CDH18: variants seen among roughly 807,000 people sequenced by gnomAD.
The protein encoded by CDH18 is cadherin 18.
In CDH18, 31 loss-of-function variants were observed where a neutral mutation model predicts 67.9. That is an observed-to-expected ratio of 0.46 (90% confidence interval 0.34 to 0.62). CDH18 has a LOEUF of 0.62. Among genes scored for constraint, CDH18 ranks in the 20% least tolerant of loss-of-function variants. The pLI is 0.01. For missense variants in CDH18, 890 were observed against 975.5 expected (o/e 0.91, Z 1.17); for synonymous variants, 362 against 347.2 (o/e 1.04, Z -0.48).
chr5:19,850,899 T>C (rs551853871), intron 2 of CDH18, among the ~76,000 whole-genome samples: 16 of 151,994 alleles, frequency 1.1e-4, no homozygotes, highest in African/African-American at 3.6e-4. Context: ...TCATCCTGTT[T>C]ATGCTACTTT....
At chr5:19,979,217 T>TGA (rs997653456) in intron 2 of CDH18, among the ~76,000 whole-genome samples, 1 of 138,832 alleles carries the variant, frequency 7.2e-6, no homozygotes, top group African/African-American at 2.6e-5. Context: ...GGGGATGGAG[T>TGA]GTGTGTGTGT....
intron 4 of CDH18, among the ~76,000 whole-genome samples, chr5:19,740,725 C>A (rs1349938346): frequency 6.6e-6 from 1 of 152,050 alleles, no homozygotes; most frequent in Non-Finnish European, 1.5e-5. Context: ...AACTCAAAAA[C>A]CAAGTATCAT....
At chr5:20,023,902 C>A (rs976664965) in intron 2 of CDH18, among the ~76,000 whole-genome samples, 8 of 152,064 alleles carry the variant, frequency 5.3e-5, no homozygotes, top group Admixed American at 2.0e-4. Context: ...TCTTCATAAC[C>A]AACTCAATTC....
chr5:19,794,202 G>A lies in CDH18; in HGVS notation c.228+44557C>T, dbSNP rs537952434. On this transcript the variant is annotated intron_variant, in intron 3 of 12. Coordinates refer to ENST00000382275, the MANE Select transcript of CDH18 (RefSeq NM_004934.5). ...TATCATCCTGACTGGGCTAAGGGATGTCCAGAGAGGTGGTAAAATGTTATT... is the reference window on the plus strand; with the variant it reads ...TATCATCCTGACTGGGCTAAGGGATATCCAGAGAGGTGGTAAAATGTTATT... Among the ~76,000 whole-genome samples, 32 of 152,214 alleles carry A rather than the reference G, an allele frequency of 2.1e-4. No homozygotes were observed. In the South Asian group the frequency reaches 2.3e-3, roughly 11 times the overall value.
chr5:19,774,198 AC>A (rs1774028076), intron 3 of CDH18, among the ~76,000 whole-genome samples: 1 of 152,060 alleles, frequency 6.6e-6, no homozygotes, highest in African/African-American at 2.4e-5. Context: ...GGGCAGAAAT[AC>A]CTGGGTGGCA....
intron 2 of CDH18, among the ~76,000 whole-genome samples, chr5:19,941,851 A>T (rs369745856): frequency 6.6e-6 from 1 of 152,202 alleles, no homozygotes; most frequent in South Asian, 2.1e-4. Context: ...GGTATAAAAA[A>T]TGTGATTCAT....
At chr5:19,819,536 A>G (rs116265473) in intron 3 of CDH18, among the ~76,000 whole-genome samples, 1,694 of 152,242 alleles carry the variant, frequency 0.011, 30 homozygotes, top group African/African-American at 0.038. Context: ...CCCAGTTCTG[A>G]CCAGGTCCTA....
intron 2 of CDH18, among the ~76,000 whole-genome samples, chr5:20,142,496 C>T (rs1750321966): frequency 6.6e-6 from 1 of 151,660 alleles, no homozygotes; most frequent in Non-Finnish European, 1.5e-5. Context: ...ACGAGAATCA[C>T]TTTAACCCAG....
At chr5:19,584,785 T>C (rs1453271885) in intron 7 of CDH18, among the ~76,000 whole-genome samples, 2 of 3,670 alleles carry the variant, frequency 5.4e-4, no homozygotes, top group African/African-American at 8.0e-4. Flanking sequence ...CCGTTTCTAC[T>C]AAAAATACAA....
intron 5 of CDH18, among the ~76,000 whole-genome samples, chr5:19,613,985 T>C (rs900127068): frequency 1.3e-5 from 2 of 152,092 alleles, no homozygotes; most frequent in Non-Finnish European, 2.9e-5. Context: ...AATACACCAA[T>C]GACTTTCAAT....
At chr5:20,106,436 TCA>T (rs1746943334) in intron 2 of CDH18, among the ~76,000 whole-genome samples, 1 of 152,222 alleles carries the variant, frequency 6.6e-6, no homozygotes, top group East Asian at 1.9e-4. Flanking sequence ...GCTAGAACCT[TCA>T]CAGATTCACA....
intron 2 of CDH18, among the ~76,000 whole-genome samples, chr5:20,072,636 T>G (rs766721541): frequency 6.6e-6 from 1 of 151,766 alleles, no homozygotes; most frequent in Non-Finnish European, 1.5e-5. Context: ...AAAGGTGGAG[T>G]GCACGTGCAA....
intron 1 of CDH18, among the ~76,000 whole-genome samples, chr5:20,465,070 T>A (rs11954066): frequency 6.6e-6 from 1 of 151,772 alleles, no homozygotes; most frequent in Non-Finnish European, 1.5e-5. Context: ...CACATGTAAA[T>A]GACACGAGAG....
chr5:20,345,621 G>A (rs1005720669), intron 1 of CDH18, among the ~76,000 whole-genome samples: 1 of 151,886 alleles, frequency 6.6e-6, no homozygotes, highest in African/African-American at 2.4e-5. Context: ...TAAATAATAT[G>A]TAAGATAGGA....
chr5:20,503,887 A>C (rs1200757060), intron 1 of CDH18, among the ~76,000 whole-genome samples: 1 of 152,050 alleles, frequency 6.6e-6, no homozygotes, highest in Non-Finnish European at 1.5e-5. Context: ...AAAATATAAA[A>C]ATTAGCCAGG....
chr5:20,543,481 GT>G (rs1757168753), intron 1 of CDH18, among the ~76,000 whole-genome samples: 1 of 152,020 alleles, frequency 6.6e-6, no homozygotes, highest in African/African-American at 2.4e-5. Flanking sequence ...CTTCTCTGCT[GT>G]CATGGATTTA....
chr5:19,699,932 C>T (rs1225613605), intron 5 of CDH18, among the ~76,000 whole-genome samples: 6 of 151,928 alleles, frequency 3.9e-5, no homozygotes, highest in African/African-American at 9.7e-5. Context: ...AAGACTTCAC[C>T]GCTAGGAAAT....
intron 3 of CDH18, among the ~76,000 whole-genome samples, chr5:19,769,656 GA>G (rs1360502742): frequency 2.0e-5 from 3 of 151,964 alleles, no homozygotes; most frequent in Non-Finnish European, 4.4e-5. Context: ...CTCTTAAAAT[GA>G]AACACAAATG....
chr5:20,042,702 G>T (rs1740539423), intron 2 of CDH18, among the ~76,000 whole-genome samples: 1 of 152,202 alleles, frequency 6.6e-6, no homozygotes, highest in Middle Eastern at 3.4e-3. Flanking sequence ...GGTGGCTCAC[G>T]CCTGTAATCC....
Sources: gnomAD v4.1 joint callset for allele counts (sites outside exome capture counted in the v4.1 genomes callset) on GRCh38, gnomAD v4.1.1 for gene constraint, MANE v1.5 for transcripts, NCBI Gene and HGNC (gene_info 2026-07-23, HGNC 2026-07-21) for gene names.